Variants in PALM2AKAP2 observed in about 807,000 individuals in gnomAD.
PALM2AKAP2 encodes PALM2-AKAP2 fusion protein.
A neutral mutation model predicts 71.5 loss-of-function variants in PALM2AKAP2; 37 were observed. The observed-to-expected ratio is 0.52, with a 90% CI of 0.40 to 0.68. PALM2AKAP2 has a LOEUF of 0.68. PALM2AKAP2 is among the 30% of genes least tolerant of loss of function. The probability of loss-of-function intolerance (pLI) is 0.00; values close to 1 mark genes in which losing one functional copy is unlikely to be tolerated. For missense variants in PALM2AKAP2, 1,224 were observed against 1,191.8 expected (o/e 1.03, Z -0.40); for synonymous variants, 468 against 478.8 (o/e 0.98, Z 0.29).
exon 2 of PALM2AKAP2, chr9:110,138,198 G>T (rs755044641): frequency 6.2e-7 from 1 of 1,613,772 alleles, no homozygotes; most frequent in Non-Finnish European, 8.5e-7. Context: ...CTCAGGGAAA[G>T]GGGGCCCCCC....
At chr9:109,856,993 G>A (rs1260023313) in intron 1 of PALM2AKAP2, among the ~76,000 whole-genome samples, 1 of 152,142 alleles carries the variant, frequency 6.6e-6, no homozygotes, top group African/African-American at 2.4e-5. Flanking sequence ...CCTGTTCTGT[G>A]GCCTGCGGTG....
At chr9:110,154,873 G>C (rs1836408696) in intron 2 of PALM2AKAP2, among the ~76,000 whole-genome samples, 1 of 152,188 alleles carries the variant, frequency 6.6e-6, no homozygotes, top group Non-Finnish European at 1.5e-5. Context: ...AAACGTTTGA[G>C]TTAGAAGAGA....
intron 1 of PALM2AKAP2, among the ~76,000 whole-genome samples, chr9:109,697,199 C>G (rs904221815): frequency 2.7e-4 from 41 of 151,530 alleles, no homozygotes; most frequent in Non-Finnish European, 6.0e-4. Flanking sequence ...AAGAGAGAAG[C>G]AACTATTCTC....
intron 3 of PALM2AKAP2, among the ~76,000 whole-genome samples, chr9:109,922,160 C>T (rs1830846202): frequency 6.6e-6 from 1 of 151,930 alleles, no homozygotes; most frequent in Admixed American, 6.6e-5. Flanking sequence ...TGGCTCACGC[C>T]TGTAGTCTCA....
intron 1 of PALM2AKAP2, among the ~76,000 whole-genome samples, chr9:109,734,978 G>A (rs1828608255): frequency 1.3e-5 from 2 of 151,840 alleles, no homozygotes; most frequent in East Asian, 1.9e-4. Flanking sequence ...CAACTGACTT[G>A]GGAAGAAAAC....
chr9:110,027,083 C>A (rs924499019), intron 7 of PALM2AKAP2, among the ~76,000 whole-genome samples: 6 of 152,052 alleles, frequency 3.9e-5, no homozygotes, highest in Non-Finnish European at 8.8e-5. Context: ...AAGATGGCTA[C>A]CCCTCAGAAA....
intron 6 of PALM2AKAP2, among the ~76,000 whole-genome samples, chr9:109,990,932 A>T (rs1298917300): frequency 6.6e-6 from 1 of 152,194 alleles, no homozygotes; most frequent in African/African-American, 2.4e-5. Flanking sequence ...GGTGCCGAGT[A>T]ATTTGTTTTC....
At chr9:109,789,673 A>C (rs1171242848) in intron 1 of PALM2AKAP2, among the ~76,000 whole-genome samples, 2 of 152,186 alleles carry the variant, frequency 1.3e-5, no homozygotes. Flanking sequence ...TGGGCCACAC[A>C]GCATGGCGGA....
intron 5 of PALM2AKAP2, among the ~76,000 whole-genome samples, chr9:109,929,050 G>A (rs1485581750): frequency 1.3e-5 from 2 of 152,134 alleles, no homozygotes; most frequent in Non-Finnish European, 2.9e-5. Flanking sequence ...TAAACATCTG[G>A]CAAAGGTAAC....
intron 1 of PALM2AKAP2, among the ~76,000 whole-genome samples, chr9:110,059,613 G>C (rs950745183): frequency 2.0e-5 from 3 of 152,196 alleles, no homozygotes; most frequent in African/African-American, 7.2e-5. Flanking sequence ...GATGTGAAAG[G>C]AGGTGGGGGC....
intron 1 of PALM2AKAP2, among the ~76,000 whole-genome samples, chr9:110,097,917 G>A (rs1298637101): frequency 7.8e-5 from 11 of 140,900 alleles, no homozygotes; most frequent in East Asian, 5.8e-4. Flanking sequence ...CCGGCACCTC[G>A]GGAGGCCAAG....
intron 1 of PALM2AKAP2, among the ~76,000 whole-genome samples, chr9:109,652,090 G>A (rs1451989179): frequency 1.3e-5 from 2 of 152,134 alleles, no homozygotes; most frequent in Admixed American, 1.3e-4. Context: ...TAGTACAAAA[G>A]CATAAAATAT....
At chr9:110,087,720 T>C (rs920845124) in intron 1 of PALM2AKAP2, among the ~76,000 whole-genome samples, 1 of 152,218 alleles carries the variant, frequency 6.6e-6, no homozygotes, top group South Asian at 2.1e-4. Context: ...TTTCATTCAT[T>C]GACTCAACAA....
chr9:109,936,710 T>C (rs890509532), intron 6 of PALM2AKAP2, among the ~76,000 whole-genome samples: 8 of 152,188 alleles, frequency 5.3e-5, no homozygotes, highest in African/African-American at 1.9e-4. Context: ...CACAGCACCA[T>C]AAAATATCAA....
At chr9:109,867,654 G>T (rs560290892) in intron 2 of PALM2AKAP2, 83 bp downstream of exon 2, 1 of 1,466,868 alleles carries the variant, frequency 6.8e-7, no homozygotes, top group Non-Finnish European at 9.0e-7. Context: ...CTGCCCTGCC[G>T]TGAAGGCGCT....
intron 1 of PALM2AKAP2, among the ~76,000 whole-genome samples, chr9:109,667,480 A>G (rs1317330702): frequency 6.6e-6 from 1 of 152,240 alleles, no homozygotes; most frequent in African/African-American, 2.4e-5. Context: ...GAAACAAACA[A>G]GCAAGACCTT....
intron 6 of PALM2AKAP2, among the ~76,000 whole-genome samples, chr9:109,940,534 A>G (rs1223402524): frequency 6.6e-6 from 1 of 152,216 alleles, no homozygotes; most frequent in Non-Finnish European, 1.5e-5. Flanking sequence ...CTAAATGGAA[A>G]AGGAGCACTA....
At chr9:110,015,356 T>G (rs1314287365) in intron 6 of PALM2AKAP2, among the ~76,000 whole-genome samples, 1 of 152,144 alleles carries the variant, frequency 6.6e-6, no homozygotes, top group Non-Finnish European at 1.5e-5. Flanking sequence ...ATCCCAACAC[T>G]GGGAGGCCAA....
chr9:109,757,835 T>A (rs1208100464), intron 1 of PALM2AKAP2, among the ~76,000 whole-genome samples: 1 of 152,138 alleles, frequency 6.6e-6, no homozygotes, highest in Non-Finnish European at 1.5e-5. Context: ...TTCTCTTTTT[T>A]TCATTGATTT....
Sources: allele counts gnomAD v4.1 joint callset (sites outside exome capture counted in the v4.1 genomes callset), GRCh38; gene constraint gnomAD v4.1.1; transcripts MANE v1.5; gene names NCBI Gene and HGNC (gene_info 2026-07-23, HGNC 2026-07-21).